The following IGF2BP3 variants were observed in gnomAD, a reference collection of about 807,000 sequenced individuals.
The protein encoded by IGF2BP3 is insulin-like growth factor 2 mRNA-binding protein 3.
In IGF2BP3, 9 loss-of-function variants were observed where a neutral mutation model predicts 73.8. That is an observed-to-expected ratio of 0.12 (90% CI 0.07 to 0.21). IGF2BP3 has a LOEUF of 0.21. Among genes scored for constraint, IGF2BP3 ranks in the 10% least tolerant of loss-of-function variants. IGF2BP3 has a pLI of 1.00. For synonymous variants in IGF2BP3, 258 were observed against 256.7 expected, an observed-to-expected ratio of 1.01 and a Z score of -0.05; for missense variants, 542 against 714.0, an observed-to-expected ratio of 0.76 and a Z score of 2.75.
chr7:23,427,150 C>T (rs1423129432), intron 2 of IGF2BP3, among the ~76,000 whole-genome samples: 1 of 152,144 alleles, frequency 6.6e-6, no homozygotes, highest in Non-Finnish European at 1.5e-5. Context: ...GGGCTTTCTC[C>T]AAAGTCTCTA....
chr7:23,468,359 A>T, intron 2 of IGF2BP3, 123 bp downstream of exon 2: 1 of 958,612 alleles, frequency 1.0e-6, no homozygotes, highest in East Asian at 2.4e-5. Context: ...CAAGGATTAA[A>T]GACCGGAACA....
At chr7:23,399,816 T>TG (rs36111571) in intron 3 of IGF2BP3, among the ~76,000 whole-genome samples, 2 of 152,134 alleles carry the variant, frequency 1.3e-5, no homozygotes, top group Non-Finnish European at 2.9e-5. Flanking sequence ...GGTCGGTAGA[T>TG]GGGGGGTTCA....
chr7:23,367,069 C>T (rs1009467593), intron 3 of IGF2BP3, among the ~76,000 whole-genome samples: 15 of 151,046 alleles, frequency 9.9e-5, no homozygotes, highest in Non-Finnish European at 1.6e-4. Context: ...ACCTCCGCCT[C>T]CCAGGCTCAA....
At chr7:23,351,148 C>T (rs922280764) in intron 6 of IGF2BP3, among the ~76,000 whole-genome samples, 157 bp downstream of exon 6, 3 of 152,140 alleles carry the variant, frequency 2.0e-5, no homozygotes, top group African/African-American at 7.2e-5. Context: ...ATGAAATGAA[C>T]ACCAAGATAC....
At chr7:23,432,494 C>T (rs973781880) in intron 2 of IGF2BP3, among the ~76,000 whole-genome samples, 1 of 151,976 alleles carries the variant, frequency 6.6e-6, no homozygotes, top group Non-Finnish European at 1.5e-5. Context: ...AGGGCACGCA[C>T]ATCTTAATGT....
intron 10 of IGF2BP3, among the ~76,000 whole-genome samples, chr7:23,335,359 T>TG (rs1305784859): frequency 1.3e-5 from 2 of 151,944 alleles, no homozygotes; most frequent in African/African-American, 4.8e-5. Flanking sequence ...CACGGATCAC[T>TG]GCAGCCTTGA....
At chr7:23,315,044 C>T (rs1783945531) in intron 12 of IGF2BP3, among the ~76,000 whole-genome samples, 1 of 152,112 alleles carries the variant, frequency 6.6e-6, no homozygotes, top group Non-Finnish European at 1.5e-5. Flanking sequence ...CTCAGGTGAT[C>T]CACCCACCTT....
chr7:23,322,823 G>C (rs990129167), intron 10 of IGF2BP3, among the ~76,000 whole-genome samples: 4 of 152,084 alleles, frequency 2.6e-5, no homozygotes, highest in South Asian at 2.1e-4. Context: ...GCCAAACTAA[G>C]CTTCATAAGT....
chr7:23,320,813 T>A (rs184277343), intron 10 of IGF2BP3, among the ~76,000 whole-genome samples: 1 of 151,360 alleles, frequency 6.6e-6, no homozygotes, highest in South Asian at 2.1e-4. Context: ...CCAGGCATGG[T>A]AGCGCTTGCC....
chr7:23,401,947 T>A (rs886659756), intron 3 of IGF2BP3, among the ~76,000 whole-genome samples: 1 of 151,948 alleles, frequency 6.6e-6, no homozygotes, highest in Non-Finnish European at 1.5e-5. Context: ...CAAAACCCCA[T>A]CTCTACTAAA....
In IGF2BP3 at chr7:23,469,865, C is replaced by T. The variant is rs1029881875; in HGVS notation, c.175+71G>A. ...CGCGCCGGGCCTGGGGCCCGCGGAG[C>T]CACCCGGTGGGCCTGGGCGGGCGGT... is the stretch of plus-strand genomic sequence containing the variant. On this transcript the variant is annotated intron_variant, in intron 1 of 14. Transcript: ENST00000258729. This position sits in a 1 kb window ranked among gnomAD's most constrained non-coding sequence, Gnocchi z 6.1. The T allele has an allele frequency of 4.4e-6, 5 of 1,132,756 alleles. No individual in the cohort carries two copies. The East Asian group carries it at 1.6e-4, about 36-fold the overall frequency. 70.2% of individuals were successfully genotyped at this position (1,132,756 alleles called of 1,614,324 possible).
chr7:23,382,290 G>C (rs1458402224), intron 3 of IGF2BP3, among the ~76,000 whole-genome samples: 1 of 151,948 alleles, frequency 6.6e-6, no homozygotes, highest in Non-Finnish European at 1.5e-5. Flanking sequence ...CACTACACAG[G>C]TTATTATCTC....
At chr7:23,380,711 A>G (rs1252101274) in intron 3 of IGF2BP3, among the ~76,000 whole-genome samples, 1 of 152,170 alleles carries the variant, frequency 6.6e-6, no homozygotes, top group Non-Finnish European at 1.5e-5. Context: ...CTCTAATCCA[A>G]TGACTAATAT....
chr7:23,434,130 C>T (rs756928639), intron 2 of IGF2BP3, among the ~76,000 whole-genome samples: 89 of 148,608 alleles, frequency 6.0e-4, no homozygotes, highest in African/African-American at 2.1e-3. Context: ...ATATGGAATA[C>T]GTATTTTCCA....
At chr7:23,399,175 C>T (rs1786579404) in intron 3 of IGF2BP3, among the ~76,000 whole-genome samples, 1 of 151,950 alleles carries the variant, frequency 6.6e-6, no homozygotes, top group South Asian at 2.1e-4. Context: ...GAATCCTTTC[C>T]CCATTTCTTG....
At chr7:23,468,769 G>C (rs998778013) in intron 1 of IGF2BP3, among the ~76,000 whole-genome samples, 2 of 152,176 alleles carry the variant, frequency 1.3e-5, no homozygotes, top group Non-Finnish European at 2.9e-5. Context: ...CCCACTACTT[G>C]GGTATCAGTC....
intron 3 of IGF2BP3, among the ~76,000 whole-genome samples, chr7:23,405,513 A>G (rs1786799134): frequency 6.6e-6 from 1 of 152,224 alleles, no homozygotes; most frequent in African/African-American, 2.4e-5. Flanking sequence ...CTTGTAGTTT[A>G]GGCTGGAGAA....
chr7:23,444,624 T>C (rs947363179), intron 2 of IGF2BP3, among the ~76,000 whole-genome samples: 3 of 148,836 alleles, frequency 2.0e-5, no homozygotes, highest in Non-Finnish European at 4.4e-5. Context: ...GTGCTGGTAA[T>C]CCCAGCTACT....
chr7:23,412,192 A>T (rs1787045928), intron 3 of IGF2BP3, among the ~76,000 whole-genome samples: 1 of 152,024 alleles, frequency 6.6e-6, no homozygotes, highest in Non-Finnish European at 1.5e-5. Flanking sequence ...CATGTTGGCC[A>T]GGCTGGTCTC....
Sources: gnomAD v4.1 joint callset for allele counts (sites outside exome capture counted in the v4.1 genomes callset) on GRCh38, gnomAD v4.1.1 for gene constraint, Gnocchi (gnomAD v3.1) non-coding constraint, MANE v1.5 for transcripts, NCBI Gene and HGNC (gene_info 2026-07-23, HGNC 2026-07-21) for gene names.